Variants in CLSTN2 observed in about 807,000 individuals in gnomAD.
CLSTN2 encodes the protein calsyntenin 2, also known as calsyntenin-2.
A neutral mutation model predicts 101.2 loss-of-function variants in CLSTN2; 48 were observed. That is an observed-to-expected ratio of 0.47 (90% CI 0.38 to 0.60). The LOEUF is 0.60. Ranked by LOEUF, CLSTN2 falls within the 20% of genes least tolerant of loss-of-function variation. The probability of loss-of-function intolerance (pLI) is 0.00; values close to 1 mark genes in which losing one functional copy is unlikely to be tolerated. For missense variants in CLSTN2, 1,160 were observed against 1,238.2 expected (o/e 0.94, Z 0.95); for synonymous variants, 481 against 463.6 (o/e 1.04, Z -0.48).
At chr3:140,541,000 C>G (rs1304621311) in intron 9 of CLSTN2, among the ~76,000 whole-genome samples, 1 of 152,166 alleles carries the variant, frequency 6.6e-6, no homozygotes, top group African/African-American at 2.4e-5. Flanking sequence ...ACCTTAACAC[C>G]AGTTTCTGGG....
intron 1 of CLSTN2, among the ~76,000 whole-genome samples, chr3:139,954,676 G>A (rs377022737): frequency 2.6e-5 from 4 of 152,208 alleles, no homozygotes; most frequent in African/African-American, 9.6e-5. Flanking sequence ...TTTTCCCAGA[G>A]CACCTATAAG....
intron 1 of CLSTN2, among the ~76,000 whole-genome samples, chr3:139,976,068 C>T (rs1361041402): frequency 6.6e-6 from 1 of 152,202 alleles, no homozygotes; most frequent in Non-Finnish European, 1.5e-5. Flanking sequence ...CCCCCATGGG[C>T]AGATCGTGGT....
At chr3:140,228,925 G>C (rs1424844486) in intron 2 of CLSTN2, among the ~76,000 whole-genome samples, 1 of 152,226 alleles carries the variant, frequency 6.6e-6, no homozygotes, top group African/African-American at 2.4e-5. Flanking sequence ...ATTTGGGTAG[G>C]AATACAGCCA....
At chr3:140,010,390 T>G (rs1037724799) in intron 1 of CLSTN2, among the ~76,000 whole-genome samples, 1 of 152,216 alleles carries the variant, frequency 6.6e-6, no homozygotes, top group African/African-American at 2.4e-5. Flanking sequence ...TGCATTTGTG[T>G]GTTCCATGTT....
At chr3:140,435,393 G>A (rs942639910) in intron 5 of CLSTN2, among the ~76,000 whole-genome samples, 3 of 152,066 alleles carry the variant, frequency 2.0e-5, no homozygotes, top group African/African-American at 4.8e-5. Flanking sequence ...GCAAATAACC[G>A]GATCTCATTC....
chr3:140,504,951 C>G (rs945135599), intron 8 of CLSTN2, among the ~76,000 whole-genome samples: 2 of 152,138 alleles, frequency 1.3e-5, no homozygotes, highest in African/African-American at 4.8e-5. Flanking sequence ...GGCAAATATC[C>G]GTAACAGCCT....
At chr3:139,992,892 G>T (rs1327613751) in intron 1 of CLSTN2, among the ~76,000 whole-genome samples, 1 of 152,158 alleles carries the variant, frequency 6.6e-6, no homozygotes, top group Non-Finnish European at 1.5e-5. Context: ...CTTCCCTGGA[G>T]ACCAGACTAC....
chr3:140,189,077 T>C (rs1559802002), intron 2 of CLSTN2, among the ~76,000 whole-genome samples: 1 of 152,228 alleles, frequency 6.6e-6, no homozygotes, highest in Non-Finnish European at 1.5e-5. Context: ...TTCTGGAAAT[T>C]CATCTAAGTT....
At chr3:140,160,684 A>C (rs2010031577) in intron 1 of CLSTN2, among the ~76,000 whole-genome samples, 1 of 151,942 alleles carries the variant, frequency 6.6e-6, no homozygotes, top group South Asian at 2.1e-4. Context: ...ATTGGTGTAT[A>C]AGAAAACCAA....
chr3:140,231,489 C>A (rs1055750948), intron 2 of CLSTN2, among the ~76,000 whole-genome samples: 1 of 152,150 alleles, frequency 6.6e-6, no homozygotes, highest in Non-Finnish European at 1.5e-5. Flanking sequence ...CAGGTCAAGG[C>A]AAGTCTAAAA....
chr3:140,323,188 A>G (rs558266208), intron 2 of CLSTN2, among the ~76,000 whole-genome samples: 2 of 152,274 alleles, frequency 1.3e-5, no homozygotes, highest in East Asian at 1.9e-4. Flanking sequence ...GTGGGTTCCC[A>G]CAGCAGTGGG....
intron 2 of CLSTN2, among the ~76,000 whole-genome samples, chr3:140,252,008 T>A (rs998029917): frequency 7.2e-5 from 11 of 152,072 alleles, no homozygotes; most frequent in Non-Finnish European, 1.5e-4. Flanking sequence ...AAGCCATAAA[T>A]GCCATATTAA....
At chr3:140,277,833 G>A (rs1031588004) in intron 2 of CLSTN2, among the ~76,000 whole-genome samples, 1 of 152,166 alleles carries the variant, frequency 6.6e-6, no homozygotes, top group Non-Finnish European at 1.5e-5. Flanking sequence ...AAATGGAAAT[G>A]AAGGAATATC....
chr3:140,164,514 G>T (rs547519160), intron 1 of CLSTN2, among the ~76,000 whole-genome samples: 7 of 152,172 alleles, frequency 4.6e-5, no homozygotes, highest in Admixed American at 4.6e-4. Flanking sequence ...GAGAGTGGAG[G>T]CCTGGGACGT....
At chr3:140,096,832 G>A (rs953573175) in intron 1 of CLSTN2, among the ~76,000 whole-genome samples, 2 of 152,328 alleles carry the variant, frequency 1.3e-5, no homozygotes, top group Admixed American at 6.5e-5. Context: ...TAAAAAGAAG[G>A]AGTTCATATC....
intron 2 of CLSTN2, among the ~76,000 whole-genome samples, chr3:140,335,254 C>A (rs952779885): frequency 7.2e-5 from 11 of 152,174 alleles, no homozygotes; most frequent in African/African-American, 2.7e-4. Flanking sequence ...GACCTGGTGA[C>A]CCATTTGGTG....
At chr3:140,468,366 T>C (rs1034736100) in intron 8 of CLSTN2, among the ~76,000 whole-genome samples, 1 of 152,210 alleles carries the variant, frequency 6.6e-6, no homozygotes, top group African/African-American at 2.4e-5. Flanking sequence ...TTGAGAGGCA[T>C]TGATGCAGGC....
chr3:140,019,164 G>A lies in CLSTN2; in HGVS notation c.109+83681G>A, dbSNP rs543278812. Reference sequence around the variant, plus strand: ...CCATTATTATAAAAAAAGATGGTGTGACGGTTAATTTTATGTGTCCTCTTA... The same window carrying A: ...CCATTATTATAAAAAAAGATGGTGTAACGGTTAATTTTATGTGTCCTCTTA... On this transcript the variant is annotated intron_variant, in intron 1 of 16. Transcript: ENST00000458420. Among the ~76,000 whole-genome samples, 13 of 152,286 alleles carry A rather than the reference G, an allele frequency of 8.5e-5. No homozygotes were observed. In the Middle Eastern group the frequency reaches 0.01, roughly 120 times the overall value.
At chr3:140,301,902 A>T (rs1576506046) in intron 2 of CLSTN2, among the ~76,000 whole-genome samples, 1 of 146,648 alleles carries the variant, frequency 6.8e-6, no homozygotes. Context: ...CCATTATAGT[A>T]TTTTTTTTTT....
Sources: gnomAD v4.1 joint callset for allele counts (sites outside exome capture counted in the v4.1 genomes callset) on GRCh38, gnomAD v4.1.1 for gene constraint, MANE v1.5 for transcripts, NCBI Gene and HGNC (gene_info 2026-07-23, HGNC 2026-07-21) for gene names.